SCD5: variants seen among roughly 807,000 people sequenced by gnomAD.
SCD5 encodes stearoyl-CoA desaturase 5.
SCD5 carries 20 observed loss-of-function variants against 30.4 expected under a neutral mutation model. The ratio of observed to expected loss-of-function variants is 0.66; its 90% CI spans 0.46 to 0.96. The LOEUF is 0.96. SCD5 is among the 40% of genes least tolerant of loss of function. SCD5 has a pLI of 0.00. For missense variants in SCD5, 381 were observed against 443.3 expected (o/e 0.86, Z 1.26); for synonymous variants, 173 against 176.4 (o/e 0.98, Z 0.16).
chr4:82,660,331 A>T (rs1312515131), intron 3 of SCD5: 1 of 434,646 alleles, frequency 2.3e-6, no homozygotes, highest in East Asian at 1.5e-4. Flanking sequence ...CCTAACAGAC[A>T]TCTATGGAAC....
At position 82,694,613 on chromosome 4, in the gene SCD5, G is replaced by A. The variant is rs550693483; in HGVS notation, c.363+10670C>T. Among the ~76,000 whole-genome samples, 7 of 152,170 alleles carry A rather than the reference G, an allele frequency of 4.6e-5. No individual in the cohort carries two copies. The South Asian group carries it at 8.3e-4, about 18-fold the overall frequency. ...ACCAATTGCATGCACAGTGACTGAC[G>A]AATGTTTGTACCCCCACCATGTGGC... On this transcript the variant is annotated intron_variant, in intron 2 of 4. Coordinates refer to ENST00000319540, the MANE Select transcript of SCD5 (RefSeq NM_001037582.3).
rs537417427 is a variant in SCD5 at position 82,682,940 on chromosome 4, C to T, written c.364-2028G>A. Reference sequence around the variant, plus strand: ...ATGCAATTCTCCTGTCTCAGCCTCCCGAATAGGTGGGATTATAAATGTGCG... The same window carrying T: ...ATGCAATTCTCCTGTCTCAGCCTCCTGAATAGGTGGGATTATAAATGTGCG... On this transcript the variant is annotated intron_variant, in intron 2 of 4. Transcript: ENST00000319540. Among the ~76,000 whole-genome samples the T allele has an allele frequency of 5.3e-5, 8 of 152,076 alleles. No homozygotes were observed. The East Asian group carries it at 9.6e-4, about 18-fold the overall frequency.
At chr4:82,688,600 C>T (rs1728762097) in intron 2 of SCD5, among the ~76,000 whole-genome samples, 1 of 152,028 alleles carries the variant, frequency 6.6e-6, no homozygotes, top group African/African-American at 2.4e-5. Context: ...CCAGAAAGTC[C>T]CCAAGAGTGG....
intron 2 of SCD5, among the ~76,000 whole-genome samples, chr4:82,695,014 CTACT>C (rs1719668225): frequency 6.6e-6 from 1 of 152,124 alleles, no homozygotes; most frequent in Admixed American, 6.5e-5. Flanking sequence ...GGGGACCCCA[CTACT>C]GTTCTGCAGC....
intron 2 of SCD5, among the ~76,000 whole-genome samples, chr4:82,681,931 G>A (rs1728585823): frequency 6.6e-6 from 1 of 152,122 alleles, no homozygotes; most frequent in South Asian, 2.1e-4. Flanking sequence ...ACAGAGATCA[G>A]GAAGCCAGTA....
chr4:82,775,585 G>T, intron 1 of SCD5: 1 of 152,424 alleles, frequency 6.6e-6, no homozygotes, highest in East Asian at 1.9e-4. Context: ...TTGTGGCCAG[G>T]TGTGGTGGCT....
chr4:82,752,292 T>TATGC (rs57124982), intron 1 of SCD5, among the ~76,000 whole-genome samples: 4 of 150,438 alleles, frequency 2.7e-5, no homozygotes. Flanking sequence ...TATATATATA[T>TATGC]GCAAAATCAG....
chr4:82,679,700 A>G (rs1003827355), intron 3 of SCD5, among the ~76,000 whole-genome samples: 1 of 152,208 alleles, frequency 6.6e-6, no homozygotes, highest in Non-Finnish European at 1.5e-5. Context: ...AGGGTCTGCC[A>G]GTTTCTCACT....
At chr4:82,718,199 C>A (rs2148831346) in intron 1 of SCD5, among the ~76,000 whole-genome samples, 1 of 151,676 alleles carries the variant, frequency 6.6e-6, no homozygotes, top group East Asian at 1.9e-4. Context: ...AGCATAAAGA[C>A]CACAATAACC....
intron 1 of SCD5, among the ~76,000 whole-genome samples, chr4:82,727,068 C>A (rs79595045): frequency 0.042 from 6,319 of 152,220 alleles, 192 homozygotes; most frequent in Non-Finnish European, 0.061. Context: ...GAAAAGTCCA[C>A]CCCATCTCAC....
At chr4:82,786,805 A>AAC (rs1721998714) in intron 1 of SCD5, among the ~76,000 whole-genome samples, 1 of 151,590 alleles carries the variant, frequency 6.6e-6, no homozygotes. Flanking sequence ...AAAAAAAAAA[A>AAC]AAAAAACAAG....
Position 82,798,288 on chromosome 4 carries a change from GGC to G in SCD5, c.232+16_232+17del. On this transcript the variant is annotated intron_variant, in intron 1 of 4. Transcript: ENST00000319540. ...TGGCCACGGAGGCCGGGGCGCAGGG[GGC>G]GCCGGCGGGACTTACCCCAGAGCAG... The G allele has an allele frequency of 6.4e-7, 1 of 1,554,640 alleles. No individual in the cohort carries two copies. The highest frequency in any genetic ancestry group is 8.7e-7 in the Non-Finnish European group (1 of 1,150,922).
chr4:82,686,274 G>A (rs1157947314), intron 2 of SCD5, among the ~76,000 whole-genome samples: 1 of 152,070 alleles, frequency 6.6e-6, no homozygotes, highest in African/African-American at 2.4e-5. Context: ...CCAAAGTGCT[G>A]GCATTACAGG....
At chr4:82,790,300 C>G (rs1022666440) in intron 1 of SCD5, among the ~76,000 whole-genome samples, 1 of 152,180 alleles carries the variant, frequency 6.6e-6, no homozygotes, top group Non-Finnish European at 1.5e-5. Context: ...CCTGGGCAGC[C>G]TCTCTTTCCA....
rs1288441197 is a variant in SCD5 at position 82,774,860 on chromosome 4, G to A, written c.232+23446C>T. On this transcript the variant is annotated intron_variant, in intron 1 of 4. Coordinates refer to ENST00000319540, the MANE Select transcript of SCD5 (RefSeq NM_001037582.3). The stretch of plus-strand genomic sequence containing the variant: ...AGACTGATGGAGGAATTTGGAATTT[G>A]ACCATCAGCAAAGCTTTAGAGGCAC... Among the ~76,000 whole-genome samples the A allele has an allele frequency of 2.6e-5, 4 of 152,264 alleles. No individual in the cohort carries two copies. The East Asian group carries it at 7.7e-4, about 29-fold the overall frequency.
At chr4:82,714,605 G>T (rs1049806991) in intron 1 of SCD5, among the ~76,000 whole-genome samples, 4 of 152,086 alleles carry the variant, frequency 2.6e-5, no homozygotes. Context: ...AGGGGGCTGT[G>T]GGGGTAAAAT....
intron 1 of SCD5, among the ~76,000 whole-genome samples, chr4:82,788,637 C>T (rs147667715): frequency 1.1e-4 from 16 of 152,222 alleles, no homozygotes; most frequent in African/African-American, 3.1e-4. Context: ...GTGATCCACC[C>T]ACCTCAGTCT....
chr4:82,652,578 G>C (rs1727779755), intron 3 of SCD5, among the ~76,000 whole-genome samples: 1 of 152,088 alleles, frequency 6.6e-6, no homozygotes, highest in African/African-American at 2.4e-5. Context: ...ATAGAGATAA[G>C]GAAGAGGAAT....
At position 82,664,417 on chromosome 4, in the gene SCD5, T is replaced by C. The variant is rs535109994; in HGVS notation, c.569+16290A>G. ...ACAGAAATAATGTTCAGCATTCAAT[T>C]AAAATTGAGTCACACAAAAGTGCAA... On this transcript the variant is annotated intron_variant, in intron 3 of 4. Transcript: ENST00000319540. 2.0e-4 allele frequency among the ~76,000 whole-genome samples: 26 copies of C among 130,424 alleles called. No homozygotes were observed. The East Asian group carries it at 5.8e-3, about 29-fold the overall frequency. The allele number at this position is 130,424 out of a possible 152,430, so 85.6% of individuals were successfully genotyped here. A position where few individuals can be genotyped will look rare whatever the true frequency, so the allele number is the denominator to read the frequency against.
Sources: gnomAD v4.1 joint callset for allele counts (sites outside exome capture counted in the v4.1 genomes callset) on GRCh38, gnomAD v4.1.1 for gene constraint, MANE v1.5 for transcripts, NCBI Gene and HGNC (gene_info 2026-07-23, HGNC 2026-07-21) for gene names.